Variants in TMEM229B observed in about 807,000 individuals in gnomAD.
The protein encoded by TMEM229B is chromosome 14 open reading frame 83.
A neutral mutation model predicts 13.7 loss-of-function variants in TMEM229B; 6 were observed. The ratio of observed to expected loss-of-function variants is 0.44; its 90% CI spans 0.24 to 0.86. The LOEUF (loss-of-function observed/expected upper bound fraction) is 0.86. Among genes scored for constraint, TMEM229B ranks in the 40% least tolerant of loss-of-function variants. The pLI is 0.23. For missense variants in TMEM229B, 170 were observed against 236.0 expected (o/e 0.72, Z 1.83); for synonymous variants, 107 against 102.1 (o/e 1.05, Z -0.29).
At chr14:67,485,623 T>C (rs1035246594) in intron 2 of TMEM229B, among the ~76,000 whole-genome samples, 1 of 152,222 alleles carries the variant, frequency 6.6e-6, no homozygotes, top group Non-Finnish European at 1.5e-5. Context: ...TGCAGGCCTC[T>C]GATCCCACCA....
At position 67,507,198 on chromosome 14, in the gene TMEM229B, G is replaced by T. The variant is rs376688939; in HGVS notation, c.-192+7888C>A. On this transcript the variant is annotated intron_variant, in intron 1 of 2. Coordinates refer to the TMEM229B transcript ENST00000357461. ...TGCCCAGAAAGCACCAGCTAAATTAGCCAGGTGCTAATATAGGTGGTGCAA... is the reference window on the plus strand; with the variant it reads ...TGCCCAGAAAGCACCAGCTAAATTATCCAGGTGCTAATATAGGTGGTGCAA... 5.3e-5 allele frequency among the ~76,000 whole-genome samples: 8 copies of T among 152,078 alleles called. No individual in the cohort carries two copies. In the East Asian group the frequency reaches 9.7e-4, roughly 18 times the overall value.
chr14:67,520,083 A>G (rs1038325012), upstream of TMEM229B, among the ~76,000 whole-genome samples: 2 of 152,084 alleles, frequency 1.3e-5, no homozygotes, highest in African/African-American at 4.8e-5. Flanking sequence ...AAGTACAGAG[A>G]TTTCCCATAG....
rs45446506 is a variant in TMEM229B at position 67,472,138 on chromosome 14, G to C, written c.*1282C>G. 0.073 allele frequency: 11,115 copies of C among 152,440 alleles called. 466 individuals are homozygous for C. The highest frequency in any genetic ancestry group is 0.14 in the South Asian group (688 of 4,816). The allele number at this position is 152,440 out of a possible 1,614,324, so 9.4% of individuals were successfully genotyped here. ...TCAGCCTTGCTGGGAGGAGTTTGGG[G>C]AGAGGGGCAGCCCTGAGGTTCTGCT... On this transcript the variant is annotated 3_prime_UTR_variant, in exon 3 of 3. Transcript: ENST00000554480.
intron 1 of TMEM229B, among the ~76,000 whole-genome samples, chr14:67,527,991 C>G (rs966493753): frequency 6.6e-6 from 1 of 152,200 alleles, no homozygotes; most frequent in African/African-American, 2.4e-5. Flanking sequence ...CCTCCACGCT[C>G]TCCCTCTCCT....
chr14:67,519,016 G>A (rs1407950130), upstream of TMEM229B, among the ~76,000 whole-genome samples: 1 of 152,196 alleles, frequency 6.6e-6, no homozygotes, highest in Non-Finnish European at 1.5e-5. Flanking sequence ...GAATTATTTG[G>A]ATCAGCTTTA....
intron 1 of TMEM229B, among the ~76,000 whole-genome samples, chr14:67,505,344 T>C (rs912402768): frequency 6.6e-6 from 1 of 152,164 alleles, no homozygotes; most frequent in Non-Finnish European, 1.5e-5. Flanking sequence ...CCAGGACCAC[T>C]CAGGAAACTT....
chr14:67,493,704 G>T (rs529407887), upstream of TMEM229B, among the ~76,000 whole-genome samples: 14 of 152,162 alleles, frequency 9.2e-5, no homozygotes, highest in African/African-American at 2.7e-4. Context: ...TCTGTGATTG[G>T]TTCAGGGATG....
At chr14:67,520,855 G>T (rs1331492257) in intron 1 of TMEM229B, among the ~76,000 whole-genome samples, 1 of 152,230 alleles carries the variant, frequency 6.6e-6, no homozygotes, top group Non-Finnish European at 1.5e-5. Context: ...TGGATTGTGT[G>T]GTGAGAGTAT....
upstream of TMEM229B, among the ~76,000 whole-genome samples, chr14:67,493,403 AG>A (rs2032243876): frequency 6.6e-6 from 1 of 152,166 alleles, no homozygotes; most frequent in Admixed American, 6.5e-5. Context: ...GTCCAACCCC[AG>A]CCAACACAGG....
At chr14:67,489,807 G>A (rs539402248), upstream of TMEM229B, among the ~76,000 whole-genome samples, 27 of 152,264 alleles carry the variant, frequency 1.8e-4, no homozygotes, top group South Asian at 3.1e-3. Flanking sequence ...TGGCTAACAT[G>A]GTGAAACCCC....
chr14:67,490,619 C>T (rs1260200551), upstream of TMEM229B, among the ~76,000 whole-genome samples: 1 of 152,184 alleles, frequency 6.6e-6, no homozygotes, highest in African/African-American at 2.4e-5. Flanking sequence ...TTTCCTATAA[C>T]TATTTAAGGT....
intron 1 of TMEM229B, among the ~76,000 whole-genome samples, chr14:67,514,086 A>T (rs1453323800): frequency 6.6e-6 from 1 of 152,168 alleles, no homozygotes; most frequent in African/African-American, 2.4e-5. Context: ...CTGAGAACAC[A>T]TGAGAATTGG....
At chr14:67,490,544 G>A (rs1033217446), upstream of TMEM229B, among the ~76,000 whole-genome samples, 2 of 152,178 alleles carry the variant, frequency 1.3e-5, no homozygotes, top group African/African-American at 4.8e-5. Context: ...CAGTTTTCAT[G>A]CACATAGGAT....
intron 1 of TMEM229B, among the ~76,000 whole-genome samples, chr14:67,522,155 G>A (rs1414780856): frequency 1.3e-5 from 2 of 152,030 alleles, no homozygotes; most frequent in Non-Finnish European, 2.9e-5. Flanking sequence ...CCTGGGTGAC[G>A]GAGTGAGACT....
intron 2 of TMEM229B, among the ~76,000 whole-genome samples, chr14:67,479,788 G>A (rs1042481704): frequency 2.6e-5 from 4 of 152,214 alleles, no homozygotes; most frequent in South Asian, 2.1e-4. Context: ...TATAGAAGGT[G>A]TTCAATGAAT....
At chr14:67,514,384 TC>T (rs1389441832) in intron 1 of TMEM229B, among the ~76,000 whole-genome samples, 2 of 151,876 alleles carry the variant, frequency 1.3e-5, no homozygotes, top group African/African-American at 4.8e-5. Context: ...GCTGTAACAC[TC>T]CCCATCCCAG....
At chr14:67,514,489 G>A (rs1265401581) in intron 1 of TMEM229B, among the ~76,000 whole-genome samples, 3 of 152,166 alleles carry the variant, frequency 2.0e-5, no homozygotes, top group African/African-American at 7.2e-5. Context: ...ACGGACCTGG[G>A]GAGTGGAGGG....
chr14:67,489,258 T>G (rs1180107792), upstream of TMEM229B, among the ~76,000 whole-genome samples: 1 of 152,132 alleles, frequency 6.6e-6, no homozygotes, highest in Admixed American at 6.5e-5. Context: ...AATCCAAACA[T>G]TTGATTCAAA....
chr14:67,498,824 C>T (rs1005754248), intron 1 of TMEM229B, among the ~76,000 whole-genome samples: 13 of 151,928 alleles, frequency 8.6e-5, no homozygotes, highest in Non-Finnish European at 1.9e-4. Flanking sequence ...CACCACCATG[C>T]CTGATTAATT....
Sources: gnomAD v4.1 joint callset for allele counts (sites outside exome capture counted in the v4.1 genomes callset) on GRCh38, gnomAD v4.1.1 for gene constraint, MANE v1.5 for transcripts, NCBI Gene and HGNC (gene_info 2026-07-23, HGNC 2026-07-21) for gene names.